PPARG: variants seen among roughly 807,000 people sequenced by gnomAD.
PPARG encodes peroxisome proliferator activated receptor gamma.
Under a neutral mutation model 39.2 loss-of-function variants are expected in PPARG, and 17 were observed. The observed-to-expected ratio is 0.43, with a 90% CI of 0.30 to 0.65. The LOEUF (loss-of-function observed/expected upper bound fraction) is 0.65. PPARG is among the 30% of genes least tolerant of loss of function. PPARG has a pLI of 0.13. For synonymous variants in PPARG, 223 were observed against 215.7 expected (o/e 1.03, Z -0.30); for missense variants, 406 against 585.9 (o/e 0.69, Z 3.17).
chr3:12,370,225 T>G (rs2049160822), intron 2 of PPARG, among the ~76,000 whole-genome samples: 1 of 152,184 alleles, frequency 6.6e-6, no homozygotes, highest in Admixed American at 6.5e-5. Flanking sequence ...GTTCTATTGA[T>G]TTTCTAGCTT....
intron 2 of PPARG, among the ~76,000 whole-genome samples, chr3:12,341,110 G>A (rs1169512708): frequency 6.6e-6 from 1 of 152,108 alleles, no homozygotes; most frequent in Non-Finnish European, 1.5e-5. Context: ...TTGAACCTGG[G>A]AGGTGGAGGT....
At chr3:12,335,351 A>C (rs943916041) in intron 2 of PPARG, among the ~76,000 whole-genome samples, 5 of 152,208 alleles carry the variant, frequency 3.3e-5, no homozygotes, top group African/African-American at 1.2e-4. Flanking sequence ...TTACTGTGTT[A>C]CTTGTAGTCA....
At chr3:12,288,328 G>A (rs1002327813), upstream of PPARG, among the ~76,000 whole-genome samples, 5 of 151,872 alleles carry the variant, frequency 3.3e-5, no homozygotes, top group Admixed American at 2.6e-4. Context: ...CTACCGGAGC[G>A]CGCACTAGGG....
At position 12,410,733 on chromosome 3, in the gene PPARG, A is replaced by T. The variant is rs556091196; in HGVS notation, c.729+4652A>T. 7.2e-5 allele frequency among the ~76,000 whole-genome samples: 11 copies of T among 152,344 alleles called. No homozygotes were observed. In the South Asian group the frequency reaches 2.3e-3, roughly 32 times the overall value. ...AAGAATAAAATCAATATGGAAATGT[A>T]AACTTCTATGAAAACATTTCCTTAC... On this transcript the variant is annotated intron_variant, in intron 6 of 7. Coordinates refer to ENST00000651735, the MANE Select transcript of PPARG (RefSeq NM_138711.6).
At chr3:12,371,304 C>T (rs2049203437) in intron 2 of PPARG, among the ~76,000 whole-genome samples, 1 of 152,102 alleles carries the variant, frequency 6.6e-6, no homozygotes, top group South Asian at 2.1e-4. Context: ...CTGTGCCCAT[C>T]CTTCTTCACC....
intron 2 of PPARG, chr3:12,328,389 G>A (rs1320524239): frequency 3.1e-6 from 2 of 639,750 alleles, no homozygotes; most frequent in East Asian, 5.4e-5. Context: ...TTATTTGGAT[G>A]GCCTGGCAAC....
intron 2 of PPARG, among the ~76,000 whole-genome samples, chr3:12,352,836 G>T (rs1295297113): frequency 6.6e-6 from 1 of 152,086 alleles, no homozygotes; most frequent in East Asian, 1.9e-4. Flanking sequence ...TCTTAACTAG[G>T]AGTTTTGTTT....
chr3:12,356,662 G>A (rs973031396), intron 2 of PPARG, among the ~76,000 whole-genome samples: 29 of 152,132 alleles, frequency 1.9e-4, no homozygotes, highest in African/African-American at 4.1e-4. Flanking sequence ...ATTGAGTGCC[G>A]ATTTTCAAGG....
chr3:12,332,413 CT>C (rs2047887948), intron 2 of PPARG, among the ~76,000 whole-genome samples: 1 of 152,194 alleles, frequency 6.6e-6, no homozygotes, highest in African/African-American at 2.4e-5. Flanking sequence ...AGGAAGTGCT[CT>C]GGAAGCTGCT....
chr3:12,423,802 TG>T (rs2125302002), intron 7 of PPARG, among the ~76,000 whole-genome samples: 1 of 152,370 alleles, frequency 6.6e-6, no homozygotes, highest in South Asian at 2.1e-4. Flanking sequence ...TGGTGAAAGT[TG>T]TTTTTCTCTC....
chr3:12,311,504 A>G (rs1574969586), intron 1 of PPARG, among the ~76,000 whole-genome samples: 1 of 152,234 alleles, frequency 6.6e-6, no homozygotes, highest in Non-Finnish European at 1.5e-5. Context: ...TTTTATCTTC[A>G]TGGTCTACTA....
chr3:12,411,610 G>A lies in PPARG; in HGVS notation c.730-5094G>A, dbSNP rs74437653. Among the ~76,000 whole-genome samples, 100 of 152,276 alleles carry A rather than the reference G, an allele frequency of 6.6e-4. No homozygotes were observed. In the East Asian group the frequency reaches 0.018, roughly 28 times the overall value. On this transcript the variant is annotated intron_variant, in intron 6 of 7. Transcript: ENST00000651735. ...AGGGAAAAGTTCTCAACCCAGAATC[G>A]GGGCTTAGGTTCTAGTTCCTGGTTT...
At chr3:12,301,831 G>A (rs2046934645) in intron 1 of PPARG, 1 of 152,106 alleles carries the variant, frequency 6.6e-6, no homozygotes, top group East Asian at 1.9e-4. Flanking sequence ...ATATAAGGAA[G>A]GATAAAGAAC....
At chr3:12,390,760 T>G (rs943735912) in intron 4 of PPARG, among the ~76,000 whole-genome samples, 4 of 148,378 alleles carry the variant, frequency 2.7e-5, no homozygotes, top group Non-Finnish European at 5.9e-5. Context: ...TCCTTCCATC[T>G]CAGCCGCCAG....
chr3:12,355,642 G>A (rs1338657886), intron 2 of PPARG, among the ~76,000 whole-genome samples: 2 of 152,036 alleles, frequency 1.3e-5, no homozygotes, highest in Non-Finnish European at 2.9e-5. Context: ...TCTGAAAACT[G>A]TCATTTGTCT....
At chr3:12,318,465 A>G (rs1337407086) in intron 2 of PPARG, among the ~76,000 whole-genome samples, 1 of 152,252 alleles carries the variant, frequency 6.6e-6, no homozygotes, top group African/African-American at 2.4e-5. Context: ...ATATTCATTT[A>G]AAACCAAATA....
At chr3:12,386,535 A>G (rs1166524514) in intron 4 of PPARG, among the ~76,000 whole-genome samples, 3 of 148,900 alleles carry the variant, frequency 2.0e-5, no homozygotes, top group Non-Finnish European at 3.0e-5. Context: ...TTTTTTTTTG[A>G]ACATGTGTCA....
intron 1 of PPARG, among the ~76,000 whole-genome samples, chr3:12,296,471 C>T (rs1307234304): frequency 1.3e-5 from 2 of 151,786 alleles, no homozygotes; most frequent in Non-Finnish European, 2.9e-5. Context: ...ATTCTTGCAC[C>T]CCACCTGATA....
chr3:12,289,276 T>G (rs2124913522), intron 1 of PPARG, 142 bp downstream of exon 1: 1 of 152,358 alleles, frequency 6.6e-6, no homozygotes, highest in Non-Finnish European at 1.5e-5. Flanking sequence ...ACTTGGGTCA[T>G]AGGCTAACGG....
Sources: allele counts gnomAD v4.1 joint callset (sites outside exome capture counted in the v4.1 genomes callset), GRCh38; gene constraint gnomAD v4.1.1; transcripts MANE v1.5; gene names NCBI Gene and HGNC (gene_info 2026-07-23, HGNC 2026-07-21).